Variants in ZFHX4 observed in about 807,000 individuals in gnomAD.
ZFHX4 encodes the protein zinc finger homeobox 4.
ZFHX4 carries 56 observed loss-of-function variants against 267.6 expected under a neutral mutation model. The observed-to-expected ratio is 0.21, with a 90% CI of 0.17 to 0.26. ZFHX4 has a LOEUF of 0.26. Among genes scored for constraint, ZFHX4 ranks in the 10% least tolerant of loss-of-function variants. ZFHX4 has a pLI of 1.00. For missense variants in ZFHX4, 4,332 were observed against 4,420.0 expected (o/e 0.98, Z 0.56); for synonymous variants, 1,778 against 1,665.6 (o/e 1.07, Z -1.64).
At chr8:76,786,375 T>C (rs1425664337) in intron 4 of ZFHX4, among the ~76,000 whole-genome samples, 1 of 150,632 alleles carries the variant, frequency 6.6e-6, no homozygotes, top group Non-Finnish European at 1.5e-5. Flanking sequence ...ATGTAAAGTA[T>C]CTAGTATGAA....
At chr8:76,695,667 A>T (rs1170859493) in intron 1 of ZFHX4, among the ~76,000 whole-genome samples, 2 of 152,224 alleles carry the variant, frequency 1.3e-5, no homozygotes, top group Non-Finnish European at 2.9e-5. Context: ...TTTTAGGTCC[A>T]GTTAACTGTT....
chr8:76,816,768 G>A (rs1811517700), intron 4 of ZFHX4, among the ~76,000 whole-genome samples: 1 of 151,782 alleles, frequency 6.6e-6, no homozygotes, highest in South Asian at 2.1e-4. Context: ...GCTAATTTTT[G>A]TATTTTTAGT....
At chr8:76,743,237 T>C (rs771237379) in intron 3 of ZFHX4, among the ~76,000 whole-genome samples, 3 of 152,194 alleles carry the variant, frequency 2.0e-5, no homozygotes, top group Non-Finnish European at 4.4e-5. Flanking sequence ...GTATCTCTTA[T>C]GAGGTTCTAA....
At chr8:76,707,395 G>A (rs1808304301) in intron 2 of ZFHX4, 151 bp from the exon 3 acceptor site, 2 of 673,254 alleles carry the variant, frequency 3.0e-6, no homozygotes, top group Admixed American at 6.9e-5. Context: ...AGGGATGATT[G>A]TAATTGATCC....
intron 3 of ZFHX4, among the ~76,000 whole-genome samples, chr8:76,713,915 C>T (rs1808497512): frequency 6.6e-6 from 1 of 151,992 alleles, no homozygotes. Context: ...CGACCACCAC[C>T]ACCACCGCCA....
chr8:76,844,931 T>C (rs2085922599), intron 6 of ZFHX4, among the ~76,000 whole-genome samples: 1 of 152,164 alleles, frequency 6.6e-6, no homozygotes, highest in Non-Finnish European at 1.5e-5. Context: ...GATTTTCTCT[T>C]GTATGTATTT....
intron 4 of ZFHX4, among the ~76,000 whole-genome samples, chr8:76,784,193 G>C (rs1332536816): frequency 6.6e-6 from 1 of 151,822 alleles, no homozygotes; most frequent in East Asian, 1.9e-4. Flanking sequence ...TAAAAGCTCA[G>C]TGCTATTTGG....
intron 6 of ZFHX4, among the ~76,000 whole-genome samples, chr8:76,848,023 T>C (rs1812409417): frequency 6.6e-6 from 1 of 152,164 alleles, no homozygotes; most frequent in Admixed American, 6.5e-5. Context: ...AATAATTTAG[T>C]TGCAAATTGA....
intron 1 of ZFHX4, among the ~76,000 whole-genome samples, chr8:76,684,119 G>T (rs958137610): frequency 1.3e-5 from 2 of 151,582 alleles, no homozygotes; most frequent in Admixed American, 1.3e-4. Context: ...TGAAAAGGGT[G>T]GTTTAAATAA....
Position 76,850,323 on chromosome 8 carries a change from C to G in ZFHX4, c.3925C>G (p.Pro1309Ala). The change falls in exon 9 of 11, where the codon CCT becomes GCT. Residue 1309 changes from proline (P) to alanine (A), a missense_variant. Around this residue, in one of 7 missense-constraint regions of ZFHX4, gnomAD observed 1,371 missense variants for 1,423.1 expected, o/e 0.96. Transcript: ENST00000651372. ...CTCTGAGAAATCAGAGCGGGACACA[C>G]CTGCAGCCGTGACAGCTGAGGGGTC... ...AASEKSERDT[P>A]AAVTAEGSGK... The G allele has an allele frequency of 6.2e-7, 1 of 1,613,042 alleles. No homozygotes were observed. The highest frequency in any genetic ancestry group is 1.3e-5 in the African/African-American group (1 of 75,020).
At chr8:76,786,695 A>T (rs1394981823) in intron 4 of ZFHX4, among the ~76,000 whole-genome samples, 4 of 152,182 alleles carry the variant, frequency 2.6e-5, no homozygotes, top group African/African-American at 9.7e-5. Context: ...ACATGTAATA[A>T]TTATACCTTT....
chr8:76,774,217 C>T (rs537966258), intron 3 of ZFHX4, among the ~76,000 whole-genome samples: 10 of 151,920 alleles, frequency 6.6e-5, no homozygotes, highest in Non-Finnish European at 1.2e-4. Context: ...GGTGGTAAGA[C>T]GTTTGTGATT....
chr8:76,732,076 A>C (rs1809030215), intron 3 of ZFHX4, among the ~76,000 whole-genome samples: 1 of 152,016 alleles, frequency 6.6e-6, no homozygotes, highest in South Asian at 2.1e-4. Flanking sequence ...TCCTGACCTC[A>C]AGTGATCTGC....
At chr8:76,727,670 G>GT (rs1261895908) in intron 3 of ZFHX4, among the ~76,000 whole-genome samples, 1 of 152,148 alleles carries the variant, frequency 6.6e-6, no homozygotes, top group Non-Finnish European at 1.5e-5. Context: ...AATAAATTCA[G>GT]TTTTTTAAAA....
intron 1 of ZFHX4, among the ~76,000 whole-genome samples, chr8:76,692,954 C>A (rs1807861453): frequency 6.6e-6 from 1 of 152,082 alleles, no homozygotes; most frequent in Admixed American, 6.5e-5. Flanking sequence ...TCATTTGAAG[C>A]ACATTTATTT....
intron 4 of ZFHX4, among the ~76,000 whole-genome samples, chr8:76,794,242 G>A (rs2131811965): frequency 6.6e-6 from 1 of 152,250 alleles, no homozygotes; most frequent in Admixed American, 6.5e-5. Context: ...CACCGCTATA[G>A]CTGGAAGGTT....
In ZFHX4 at chr8:76,849,111, A is replaced by G; in HGVS notation, c.3628A>G (p.Lys1210Glu). 1 of 1,558,966 alleles carries G rather than the reference A, an allele frequency of 6.4e-7. No individual in the cohort carries two copies. Among genetic ancestry groups the G allele is most frequent in the Non-Finnish European group, 8.7e-7 (1 of 1,151,552 alleles). Residue 1210 changes from lysine to glutamate, a missense_variant, in exon 7 of 11, where the codon AAA becomes GAA. Around this residue, in one of 7 missense-constraint regions of ZFHX4, gnomAD observed 1,371 missense variants for 1,423.1 expected, o/e 0.96. Coordinates refer to ENST00000651372, the MANE Select transcript of ZFHX4 (RefSeq NM_024721.5). ...AAGGTCAAAACCTACAGAGGACAATAAATTCTGTCATGAACAGGTAAATAC... is the reference window on the plus strand; with the variant it reads ...AAGGTCAAAACCTACAGAGGACAATGAATTCTGTCATGAACAGGTAAATAC... ...TKRSKPTEDN[K>E]FCHEQFYQCP...
intron 1 of ZFHX4, among the ~76,000 whole-genome samples, chr8:76,700,316 G>T (rs1003635324): frequency 2.6e-5 from 4 of 152,022 alleles, no homozygotes; most frequent in African/African-American, 9.7e-5. Context: ...GGCTAACCTA[G>T]CATTCCTTTC....
In ZFHX4 at chr8:76,778,398, G is replaced by A. The variant is rs780624920; in HGVS notation, c.3284G>A (p.Ser1095Asn). Reference protein sequence around the residue: ...QGLAPEEDNLSEIFFVKDCPP... With the variant: ...QGLAPEEDNLNEIFFVKDCPP... ...CTGGCACCAGAGGAGGACAACCTCAGTGAGATCTTTTTTGTTAAAGATTGC... is the reference window on the plus strand; with the variant it reads ...CTGGCACCAGAGGAGGACAACCTCAATGAGATCTTTTTTGTTAAAGATTGC... Residue 1095 changes from serine to asparagine, a missense_variant, in exon 4 of 11, where the codon AGT (serine) becomes AAT (asparagine). Coordinates refer to ENST00000651372, the MANE Select transcript of ZFHX4 (RefSeq NM_024721.5). 1.2e-6 allele frequency: 2 copies of A among 1,613,886 alleles called. No homozygotes were observed. The highest frequency in any genetic ancestry group is 1.7e-5 in the Admixed American group (1 of 60,000).
Sources: gnomAD v4.1 joint callset for allele counts (sites outside exome capture counted in the v4.1 genomes callset) on GRCh38, gnomAD v4.1.1 for gene constraint, gnomAD v4.1.1 regional missense constraint, MANE v1.5 for transcripts, NCBI Gene and HGNC (gene_info 2026-07-23, HGNC 2026-07-21) for gene names.